Variants in NAA15 observed in about 807,000 individuals in gnomAD.
NAA15 encodes the protein N-alpha-acetyltransferase 15, NatA auxiliary subunit.
A neutral mutation model predicts 114.0 loss-of-function variants in NAA15; 34 were observed. That is an observed-to-expected ratio of 0.30 (90% CI 0.23 to 0.40). The LOEUF is 0.40. Ranked by LOEUF, NAA15 falls within the 10% of genes least tolerant of loss-of-function variation. NAA15 has a pLI of 1.00. For synonymous variants in NAA15, 340 were observed against 338.0 expected (o/e 1.01, Z -0.06); for missense variants, 658 against 1,004.5 (o/e 0.66, Z 4.66).
intron 16 of NAA15, among the ~76,000 whole-genome samples, chr4:139,377,698 C>T (rs2110992502): frequency 6.6e-6 from 1 of 152,092 alleles, no homozygotes; most frequent in African/African-American, 2.4e-5. Context: ...AGAAATAGAT[C>T]AAAAGATAAC....
intron 1 of NAA15, among the ~76,000 whole-genome samples, chr4:139,323,795 A>T (rs886099419): frequency 4.6e-5 from 7 of 152,214 alleles, no homozygotes; most frequent in African/African-American, 1.7e-4. Context: ...CCAGTTTTAT[A>T]GTTGGCAGGA....
intron 3 of NAA15, among the ~76,000 whole-genome samples, chr4:139,339,266 G>A (rs1434356300): frequency 6.6e-6 from 1 of 152,212 alleles, no homozygotes; most frequent in Non-Finnish European, 1.5e-5. Context: ...GGAGGCTGAG[G>A]CAGCGATCAC....
chr4:139,308,687 C>A (rs1266662632), intron 1 of NAA15, among the ~76,000 whole-genome samples: 1 of 152,284 alleles, frequency 6.6e-6, no homozygotes, highest in Non-Finnish European at 1.5e-5. Flanking sequence ...CACTCTCCGA[C>A]TCACTGCAAC....
intron 14 of NAA15, among the ~76,000 whole-genome samples, chr4:139,368,366 AG>A (rs1375853971): frequency 6.6e-6 from 1 of 152,126 alleles, no homozygotes; most frequent in African/African-American, 2.4e-5. Flanking sequence ...GCTTGAGTCT[AG>A]GAGTTCGAGA....
intron 1 of NAA15, among the ~76,000 whole-genome samples, chr4:139,308,643 G>A (rs1025003582): frequency 6.6e-6 from 1 of 152,164 alleles, no homozygotes; most frequent in African/African-American, 2.4e-5. Flanking sequence ...TTGTCGTCCA[G>A]GCTGGAGTAC....
intron 1 of NAA15, among the ~76,000 whole-genome samples, chr4:139,319,419 C>A (rs1479179474): frequency 4.7e-5 from 7 of 149,760 alleles, no homozygotes; most frequent in African/African-American, 1.7e-4. Context: ...AGTTGTATTT[C>A]TTTTATTTTA....
chr4:139,327,629 G>C (rs577183946), intron 1 of NAA15, among the ~76,000 whole-genome samples: 1 of 152,188 alleles, frequency 6.6e-6, no homozygotes, highest in East Asian at 1.9e-4. Flanking sequence ...ACCTAGGTTG[G>C]AAGGATTGGA....
intron 15 of NAA15, among the ~76,000 whole-genome samples, chr4:139,371,474 T>TAA (rs771223256): frequency 2.6e-5 from 2 of 78,020 alleles, no homozygotes; most frequent in African/African-American, 4.4e-5. Context: ...CTCTGTCTCT[T>TAA]AAAAAAAAAA....
At chr4:139,380,015 A>T (rs1482957450) in intron 17 of NAA15, among the ~76,000 whole-genome samples, 1 of 152,242 alleles carries the variant, frequency 6.6e-6, no homozygotes, top group African/African-American at 2.4e-5. Context: ...ACTACACTCC[A>T]GCCTGGGCAA....
intron 15 of NAA15, among the ~76,000 whole-genome samples, chr4:139,374,479 T>G (rs1748529037): frequency 6.6e-6 from 1 of 152,328 alleles, no homozygotes; most frequent in East Asian, 1.9e-4. Context: ...TGTGAACATC[T>G]TGCTGTGGTG....
chr4:139,345,722 C>T (rs1187938247), intron 6 of NAA15, among the ~76,000 whole-genome samples: 1 of 152,172 alleles, frequency 6.6e-6, no homozygotes, highest in Non-Finnish European at 1.5e-5. Context: ...AGATCGAGAC[C>T]ATCCTGGCTA....
At chr4:139,317,759 G>A (rs1227830451) in intron 1 of NAA15, among the ~76,000 whole-genome samples, 1 of 152,146 alleles carries the variant, frequency 6.6e-6, no homozygotes, top group Non-Finnish European at 1.5e-5. Context: ...TGTATAATTG[G>A]ATAATTGGTT....
At chr4:139,306,037 T>A (rs1257060652) in intron 1 of NAA15, among the ~76,000 whole-genome samples, 1 of 152,254 alleles carries the variant, frequency 6.6e-6, no homozygotes, top group Non-Finnish European at 1.5e-5. Context: ...GCAGTGGATT[T>A]GCCTGGCTTG....
At chr4:139,338,064 T>A (rs978263106) in intron 3 of NAA15, among the ~76,000 whole-genome samples, 1 of 152,226 alleles carries the variant, frequency 6.6e-6, no homozygotes, top group African/African-American at 2.4e-5. Context: ...TGGACATAAT[T>A]TTCTTTAAAT....
Position 139,340,999 on chromosome 4 carries a change from A to C in NAA15, c.332A>C (p.Lys111Thr). The C allele has an allele frequency of 6.2e-7, 1 of 1,611,140 alleles. No individual in the cohort carries two copies. Among genetic ancestry groups the C allele is most frequent in the Non-Finnish European group, 8.5e-7 (1 of 1,178,794 alleles). The change falls in exon 4 of 20, where the codon AAA becomes ACA. Residue 111 changes from lysine to threonine, a missense_variant. By Grantham distance (78) the Lys-to-Thr change is moderately conservative (BLOSUM62 -1). Transcript: ENST00000296543. ...KCYRNALKWD[K>T]DNLQILRDLS... ...TACAGAAATGCACTAAAATGGGATAAAGACAATCTTCAAATCTTAAGGGAC... is the reference window on the plus strand; with the variant it reads ...TACAGAAATGCACTAAAATGGGATACAGACAATCTTCAAATCTTAAGGGAC...
intron 1 of NAA15, among the ~76,000 whole-genome samples, chr4:139,310,125 C>A (rs923989211): frequency 2.0e-5 from 3 of 152,110 alleles, no homozygotes; most frequent in African/African-American, 4.8e-5. Context: ...GAAGTTCTGA[C>A]AGAGCATTGA....
At chr4:139,353,477 A>T (rs140526202) in intron 9 of NAA15, among the ~76,000 whole-genome samples, 65 of 152,294 alleles carry the variant, frequency 4.3e-4, no homozygotes, top group African/African-American at 1.4e-3. Context: ...ATGCTCAGAG[A>T]TCTCTCAGGA....
At chr4:139,358,589 T>C (rs1383693183) in intron 11 of NAA15, among the ~76,000 whole-genome samples, 1 of 152,212 alleles carries the variant, frequency 6.6e-6, no homozygotes, top group Non-Finnish European at 1.5e-5. Flanking sequence ...CTAGGGTACA[T>C]GTGCACAACG....
chr4:139,351,719 A>G (rs1280580778), intron 9 of NAA15, 108 bp downstream of exon 9: 3 of 560,472 alleles, frequency 5.4e-6, no homozygotes, highest in African/African-American at 1.9e-5. Flanking sequence ...TGTGAATCTC[A>G]TGTCAGTCTT....
Sources: allele counts gnomAD v4.1 joint callset (sites outside exome capture counted in the v4.1 genomes callset), GRCh38; gene constraint gnomAD v4.1.1; transcripts MANE v1.5; gene names NCBI Gene and HGNC (gene_info 2026-07-23, HGNC 2026-07-21).